The following DCC variants were observed in gnomAD, a reference collection of about 807,000 sequenced individuals.
DCC encodes DCC netrin 1 receptor.
In DCC, 58 loss-of-function variants were observed where a neutral mutation model predicts 172.5. That is an observed-to-expected ratio of 0.34 (90% CI 0.27 to 0.42). DCC has a LOEUF of 0.42. Among genes scored for constraint, DCC ranks in the 10% least tolerant of loss-of-function variants. The pLI is 1.00. For synonymous variants in DCC, 709 were observed against 644.5 expected, an observed-to-expected ratio of 1.10 and a Z score of -1.52; for missense variants, 1,740 against 1,791.0, an observed-to-expected ratio of 0.97 and a Z score of 0.51.
At chr18:52,689,916 G>A (rs2035904749) in intron 1 of DCC, among the ~76,000 whole-genome samples, 1 of 152,122 alleles carries the variant, frequency 6.6e-6, no homozygotes, top group South Asian at 2.1e-4. Context: ...GCACTCCTGA[G>A]CACACTTCAA....
chr18:53,092,067 A>G (rs2043021746), intron 7 of DCC, among the ~76,000 whole-genome samples: 1 of 151,962 alleles, frequency 6.6e-6, no homozygotes, highest in African/African-American at 2.4e-5. Flanking sequence ...TCAATACAGT[A>G]GTAGAATGCT....
chr18:52,824,603 G>A (rs1034131255), intron 2 of DCC, among the ~76,000 whole-genome samples: 1 of 152,058 alleles, frequency 6.6e-6, no homozygotes, highest in African/African-American at 2.4e-5. Flanking sequence ...AAACTAGAAG[G>A]TTAGTCTTTT....
At chr18:52,952,587 A>G (rs558999108) in intron 5 of DCC, among the ~76,000 whole-genome samples, 15 of 152,228 alleles carry the variant, frequency 9.9e-5, no homozygotes, top group Non-Finnish European at 2.1e-4. Context: ...ACTCAGCTCA[A>G]GTACCCCCTT....
intron 27 of DCC, among the ~76,000 whole-genome samples, chr18:53,514,637 A>T (rs892755693): frequency 6.6e-6 from 1 of 152,188 alleles, no homozygotes; most frequent in Non-Finnish European, 1.5e-5. Flanking sequence ...ATCCCACAGA[A>T]ATACAAACTA....
intron 8 of DCC, 36 bp from the exon 9 acceptor site, chr18:53,178,926 T>C (rs2055151261): frequency 6.2e-7 from 1 of 1,613,274 alleles, no homozygotes; most frequent in Non-Finnish European, 8.5e-7. Flanking sequence ...GGTATTCTTT[T>C]TGGAATAATC....
intron 2 of DCC, among the ~76,000 whole-genome samples, chr18:52,879,979 T>C (rs1170060163): frequency 1.3e-5 from 2 of 152,182 alleles, no homozygotes; most frequent in Non-Finnish European, 2.9e-5. Flanking sequence ...AATTATGTCA[T>C]GGAAAATGGG....
chr18:52,858,453 T>A (rs1047973544), intron 2 of DCC, among the ~76,000 whole-genome samples: 3 of 152,132 alleles, frequency 2.0e-5, no homozygotes, highest in African/African-American at 7.2e-5. Context: ...TGTGTCTACT[T>A]GGTTGTGGGT....
At chr18:53,451,721 C>T (rs2045415945) in intron 23 of DCC, among the ~76,000 whole-genome samples, 1 of 151,926 alleles carries the variant, frequency 6.6e-6, no homozygotes, top group Non-Finnish European at 1.5e-5. Flanking sequence ...CTCTCTCTCT[C>T]TCTCTCTCTC....
intron 1 of DCC, among the ~76,000 whole-genome samples, chr18:52,698,764 A>ATTTTTTTTTTTTTTTTTTTTTTT (rs34646550): frequency 7.5e-6 from 1 of 134,182 alleles, no homozygotes. Context: ...ACGCCTGGCT[A>ATTTTTTTTTTTTTTTTTTTTTTT]TTTTTTTTTT....
intron 1 of DCC, among the ~76,000 whole-genome samples, chr18:52,468,432 C>T (rs1298649487): frequency 1.3e-5 from 2 of 152,168 alleles, no homozygotes; most frequent in Admixed American, 6.5e-5. Context: ...TCTTTGGAAA[C>T]ATTTAATTGC....
chr18:53,043,541 G>T (rs1420129534), intron 5 of DCC, among the ~76,000 whole-genome samples: 3 of 151,792 alleles, frequency 2.0e-5, no homozygotes, highest in African/African-American at 7.3e-5. Flanking sequence ...ATTCTCCAAA[G>T]CCTAGTTCCC....
At chr18:53,429,576 G>T (rs904066612) in intron 21 of DCC, among the ~76,000 whole-genome samples, 2 of 151,992 alleles carry the variant, frequency 1.3e-5, no homozygotes, top group Admixed American at 1.3e-4. Context: ...AATTGGAATT[G>T]CAAAAATACT....
chr18:53,079,974 G>A (rs2042776622), intron 7 of DCC, among the ~76,000 whole-genome samples: 1 of 152,124 alleles, frequency 6.6e-6, no homozygotes, highest in African/African-American at 2.4e-5. Context: ...ATGTGGGATA[G>A]GGATGGCTAA....
At chr18:53,460,261 A>G (rs1171637313) in intron 24 of DCC, among the ~76,000 whole-genome samples, 1 of 137,080 alleles carries the variant, frequency 7.3e-6, no homozygotes, top group Admixed American at 7.5e-5. Context: ...TGATTATAGA[A>G]TGAGGAGCTC....
intron 22 of DCC, among the ~76,000 whole-genome samples, chr18:53,438,015 G>A (rs1912060737): frequency 6.6e-6 from 1 of 152,140 alleles, no homozygotes; most frequent in Admixed American, 6.6e-5. Flanking sequence ...GCTGAAATTG[G>A]GAGAAACATA....
At chr18:53,278,077 T>A (rs1482568123) in intron 12 of DCC, among the ~76,000 whole-genome samples, 1 of 152,104 alleles carries the variant, frequency 6.6e-6, no homozygotes, top group African/African-American at 2.4e-5. Flanking sequence ...ACAAAAAAAT[T>A]AAATATATTC....
At chr18:52,920,401 C>G (rs2040104696) in intron 3 of DCC, among the ~76,000 whole-genome samples, 1 of 151,642 alleles carries the variant, frequency 6.6e-6, no homozygotes, top group Non-Finnish European at 1.5e-5. Flanking sequence ...GAACAGACAC[C>G]TCACCAAGGA....
intron 26 of DCC, 50 bp downstream of exon 26, chr18:53,487,008 G>A (rs200908858): frequency 1.9e-6 from 3 of 1,610,470 alleles, no homozygotes; most frequent in Non-Finnish European, 1.7e-6. Context: ...TAATAGCAAA[G>A]GTGTCTTGTA....
rs11874134 is a variant in DCC at position 52,496,348 on chromosome 18, C to T, written c.91+155470C>T. ...CTTAATTATTAATAACCATGAGCAT[C>T]GGGACAATGTAGAAATATGAAACAT... is the stretch of plus-strand genomic sequence containing the variant. On this transcript the variant is annotated intron_variant, in intron 1 of 28. Transcript: ENST00000442544. Among the ~76,000 whole-genome samples, 847 of 152,162 alleles carry T rather than the reference C, an allele frequency of 5.6e-3. 10 individuals carry two copies. The highest frequency in any genetic ancestry group is 0.02 in the African/African-American group (816 of 41,530).
Sources: gnomAD v4.1 joint callset for allele counts (sites outside exome capture counted in the v4.1 genomes callset) on GRCh38, gnomAD v4.1.1 for gene constraint, MANE v1.5 for transcripts, NCBI Gene and HGNC (gene_info 2026-07-23, HGNC 2026-07-21) for gene names.